The following MYT1L variants were observed in gnomAD, a reference collection of about 807,000 sequenced individuals.
MYT1L encodes myelin transcription factor 1-like protein.
MYT1L carries 12 observed loss-of-function variants against 126.7 expected under a neutral mutation model. The ratio of observed to expected loss-of-function variants is 0.09; its 90% confidence interval spans 0.06 to 0.15. The LOEUF is 0.15. Among genes scored for constraint, MYT1L ranks in the 10% least tolerant of loss-of-function variants. MYT1L has a pLI of 1.00. For synonymous variants in MYT1L, 541 were observed against 604.2 expected (o/e 0.90, Z 1.53); for missense variants, 979 against 1,585.2 (o/e 0.62, Z 6.49).
At chr2:2,114,162 C>T (rs1188411743) in intron 3 of MYT1L, among the ~76,000 whole-genome samples, 2 of 152,228 alleles carry the variant, frequency 1.3e-5, no homozygotes, top group Non-Finnish European at 2.9e-5. Context: ...CCCAGTCATG[C>T]AGTGGATTGT....
At chr2:1,888,941 A>G (rs2048485561) in intron 16 of MYT1L, among the ~76,000 whole-genome samples, 1 of 152,250 alleles carries the variant, frequency 6.6e-6, no homozygotes, top group African/African-American at 2.4e-5. Context: ...GGACACCCAG[A>G]AAAATGAACT....
At chr2:2,038,136 C>T (rs371339273) in intron 4 of MYT1L, among the ~76,000 whole-genome samples, 20 of 152,318 alleles carry the variant, frequency 1.3e-4, no homozygotes, top group South Asian at 1.0e-3. Context: ...CTGAATTAAA[C>T]GGCATTATTT....
At chr2:1,836,639 G>C (rs1448136121) in intron 21 of MYT1L, among the ~76,000 whole-genome samples, 1 of 147,300 alleles carries the variant, frequency 6.8e-6, no homozygotes, top group African/African-American at 2.5e-5. Context: ...AATTCCATCA[G>C]CCTGGCCCCA....
intron 4 of MYT1L, among the ~76,000 whole-genome samples, chr2:2,038,603 C>T (rs2067152078): frequency 6.6e-6 from 1 of 152,196 alleles, no homozygotes; most frequent in Admixed American, 6.5e-5. Context: ...AATATCTCCC[C>T]TTCAAATCGA....
intron 19 of MYT1L, among the ~76,000 whole-genome samples, chr2:1,847,775 C>G (rs78897482): frequency 0.087 from 13,313 of 152,204 alleles, 1,013 homozygotes; most frequent in African/African-American, 0.2. Context: ...CCTCTGTTCA[C>G]TGAGGACGGA....
At chr2:1,978,532 T>C (rs1012898841) in intron 8 of MYT1L, among the ~76,000 whole-genome samples, 9 of 152,146 alleles carry the variant, frequency 5.9e-5, no homozygotes, top group Non-Finnish European at 1.2e-4. Context: ...TTTTGAGCAA[T>C]CATCACCTTC....
At chr2:1,881,947 A>G (rs1023577691) in intron 18 of MYT1L, among the ~76,000 whole-genome samples, 1 of 152,032 alleles carries the variant, frequency 6.6e-6, no homozygotes, top group African/African-American at 2.4e-5. Flanking sequence ...GATTTTGAGG[A>G]GCAGGCATGA....
chr2:2,009,480 T>A (rs2063615972), intron 4 of MYT1L, among the ~76,000 whole-genome samples: 2 of 152,244 alleles, frequency 1.3e-5, no homozygotes, highest in Non-Finnish European at 2.9e-5. Flanking sequence ...GGGATTGTTT[T>A]ACTGATTTAT....
chr2:1,874,165 C>A (rs1452148318), intron 18 of MYT1L, among the ~76,000 whole-genome samples: 4 of 150,458 alleles, frequency 2.7e-5, no homozygotes, highest in African/African-American at 7.5e-5. Flanking sequence ...CACAAACAAC[C>A]CAGGTGTGGA....
chr2:2,316,161 G>T (rs1349825390), intron 1 of MYT1L, among the ~76,000 whole-genome samples: 1 of 152,118 alleles, frequency 6.6e-6, no homozygotes, highest in Admixed American at 6.5e-5. Flanking sequence ...CTCAACATGA[G>T]CTTGATTTCT....
intron 2 of MYT1L, among the ~76,000 whole-genome samples, chr2:2,276,451 C>T (rs1379461010): frequency 6.6e-6 from 1 of 152,138 alleles, no homozygotes; most frequent in African/African-American, 2.4e-5. Context: ...TTAATAAAGT[C>T]CTTTTACAAC....
intron 4 of MYT1L, among the ~76,000 whole-genome samples, chr2:2,052,371 G>T (rs1248676660): frequency 6.6e-6 from 1 of 152,152 alleles, no homozygotes; most frequent in Non-Finnish European, 1.5e-5. Context: ...CCTGACATTG[G>T]ATTTGGCAAT....
At chr2:2,211,818 A>ACAAAC (rs1169309186) in intron 2 of MYT1L, among the ~76,000 whole-genome samples, 7 of 149,684 alleles carry the variant, frequency 4.7e-5, no homozygotes, top group Non-Finnish European at 7.4e-5. Flanking sequence ...AAAAAAAAAA[A>ACAAAC]AAACCAAACA....
chr2:1,850,647 A>G (rs2043149286), intron 19 of MYT1L, among the ~76,000 whole-genome samples: 2 of 152,106 alleles, frequency 1.3e-5, no homozygotes, highest in African/African-American at 4.8e-5. Flanking sequence ...CTGTGCTTGT[A>G]GGATCCAGTT....
In MYT1L at chr2:1,917,029, T is replaced by A. The variant is rs1437634278; in HGVS notation, c.1618+176A>T. Among the ~76,000 whole-genome samples the A allele has an allele frequency of 6.6e-6, 1 of 152,198 alleles. No individual in the cohort carries two copies. Among genetic ancestry groups the A allele is most frequent in the Non-Finnish European group, 1.5e-5 (1 of 68,038 alleles). ...TCATGGTGCACCACTCTCCTGGGGC[T>A]GTGCCATTGGCATGCCCACGAATCC... On this transcript the variant is annotated intron_variant, in intron 11 of 24. Coordinates refer to ENST00000647738, the MANE Select transcript of MYT1L (RefSeq NM_001303052.2). This position sits in a 1 kb window ranked among gnomAD's most constrained non-coding sequence, Gnocchi z 5.9.
chr2:2,270,226 C>T (rs570963086), intron 2 of MYT1L, among the ~76,000 whole-genome samples: 4 of 152,342 alleles, frequency 2.6e-5, no homozygotes, highest in East Asian at 1.9e-4. Flanking sequence ...GTCTGGACTT[C>T]GGAGCCTCCA....
chr2:1,970,442 C>T (rs1459235417), intron 8 of MYT1L, among the ~76,000 whole-genome samples: 2 of 152,192 alleles, frequency 1.3e-5, no homozygotes, highest in Admixed American at 1.3e-4. Flanking sequence ...CCCCATCTCA[C>T]CAGCCATCCT....
chr2:2,143,802 T>A (rs1169641593), intron 3 of MYT1L, among the ~76,000 whole-genome samples: 1 of 152,134 alleles, frequency 6.6e-6, no homozygotes, highest in Non-Finnish European at 1.5e-5. Context: ...CGAAATCGTG[T>A]CCTTTGCAGC....
chr2:2,232,078 C>T (rs760452776), intron 2 of MYT1L, among the ~76,000 whole-genome samples: 8 of 152,182 alleles, frequency 5.3e-5, no homozygotes, highest in East Asian at 1.9e-4. Flanking sequence ...AATATCCCTG[C>T]GACAGAGAAC....
Sources: gnomAD v4.1 joint callset for allele counts (sites outside exome capture counted in the v4.1 genomes callset) on GRCh38, gnomAD v4.1.1 for gene constraint, Gnocchi (gnomAD v3.1) non-coding constraint, MANE v1.5 for transcripts, NCBI Gene and HGNC (gene_info 2026-07-23, HGNC 2026-07-21) for gene names.